Variants in AGAP3 observed in about 807,000 individuals in gnomAD.
AGAP3 encodes ArfGAP with GTPase domain, ankyrin repeat and PH domain 3.
In AGAP3, 24 loss-of-function variants were observed where a neutral mutation model predicts 96.9. That is an observed-to-expected ratio of 0.25 (90% CI 0.18 to 0.35). The LOEUF is 0.35. Ranked by LOEUF, AGAP3 falls within the 10% of genes least tolerant of loss-of-function variation. AGAP3 has a pLI of 1.00. For synonymous variants in AGAP3, 563 were observed against 536.1 expected (o/e 1.05, Z -0.69); for missense variants, 876 against 1,254.2 (o/e 0.70, Z 4.55).
intron 8 of AGAP3, among the ~76,000 whole-genome samples, chr7:151,121,592 G>C (rs779697380): frequency 1.3e-5 from 2 of 151,862 alleles, no homozygotes; most frequent in Non-Finnish European, 2.9e-5. Context: ...CCAGTCCCCG[G>C]CCTCCTCCCT....
intron 8 of AGAP3, chr7:151,123,490 G>A (rs1800016144): frequency 3.3e-6 from 4 of 1,194,628 alleles, no homozygotes; most frequent in Non-Finnish European, 4.2e-6. Context: ...CCACCTCCTC[G>A]CCCCCGCTTC....
At chr7:151,104,095 C>T (rs186171724) in intron 1 of AGAP3, among the ~76,000 whole-genome samples, 1 of 152,264 alleles carries the variant, frequency 6.6e-6, no homozygotes, top group African/African-American at 2.4e-5. Context: ...TCATTCCACA[C>T]GCTCGAAATA....
At position 151,118,694 on chromosome 7, in the gene AGAP3, T is replaced by A; in HGVS notation, c.969+62T>A. On this transcript the variant is annotated intron_variant, in intron 7 of 17. Coordinates refer to ENST00000397238, the MANE Select transcript of AGAP3 (RefSeq NM_031946.7). This position sits in a 1 kb window ranked among gnomAD's most constrained non-coding sequence, Gnocchi z 6.1. ...ACCATGTCTGTCTTGCCTCTGTGCG[T>A]CCTGCCACTTCTGCTGGCCTCCTGC... 1 of 1,579,034 alleles carries A rather than the reference T, an allele frequency of 6.3e-7. No individual in the cohort carries two copies. Among genetic ancestry groups the A allele is most frequent in the African/African-American group, 1.3e-5 (1 of 74,634 alleles).
At chr7:151,094,870 C>T (rs1158565777) in intron 1 of AGAP3, among the ~76,000 whole-genome samples, 1 of 150,304 alleles carries the variant, frequency 6.7e-6, no homozygotes, top group Non-Finnish European at 1.5e-5. Flanking sequence ...TTCCTCCCTT[C>T]CTCCCTTCCT....
At chr7:151,117,223 C>G in intron 3 of AGAP3, 41 bp downstream of exon 3, 1 of 1,600,176 alleles carries the variant, frequency 6.2e-7, no homozygotes, top group South Asian at 1.1e-5. Context: ...AGGCCGGCCA[C>G]TCCTCCAGCT....
chr7:151,110,309 C>G (rs1799228939), intron 1 of AGAP3, among the ~76,000 whole-genome samples: 1 of 152,194 alleles, frequency 6.6e-6, no homozygotes, highest in Admixed American at 6.5e-5. Context: ...CACTTGCTGA[C>G]AGTGGCAAGT....
In AGAP3 at chr7:151,144,086, C is replaced by A; in HGVS notation, c.*143C>A. On this transcript the variant is annotated 3_prime_UTR_variant, in exon 18 of 18. Coordinates refer to ENST00000397238, the MANE Select transcript of AGAP3 (RefSeq NM_031946.7). ...AGCCAAGGAAATTAGGGAGGAGAGT[C>A]AAAGGGATCAAGGAGAGTTGGGGAT... is the stretch of plus-strand genomic sequence containing the variant. 1.2e-6 allele frequency: 1 copy of A among 861,068 alleles called. No homozygotes were observed. The highest frequency in any genetic ancestry group is 1.8e-6 in the Non-Finnish European group (1 of 566,486). 53.3% of individuals were successfully genotyped at this position (861,068 alleles called of 1,614,324 possible).
chr7:151,086,276 G>A (rs1439291665), upstream of AGAP3, among the ~76,000 whole-genome samples: 2 of 151,196 alleles, frequency 1.3e-5, no homozygotes, highest in African/African-American at 4.9e-5. Context: ...CGGGGCGCCA[G>A]GGCTGGAGCG....
At chr7:151,125,892 C>T (rs1404405696) in intron 9 of AGAP3, among the ~76,000 whole-genome samples, 1 of 152,238 alleles carries the variant, frequency 6.6e-6, no homozygotes. Flanking sequence ...GCCTCCGCGC[C>T]TCTGCGCCGT....
intron 1 of AGAP3, among the ~76,000 whole-genome samples, chr7:151,099,372 GC>G (rs1238955179): frequency 6.6e-6 from 1 of 151,370 alleles, no homozygotes; most frequent in African/African-American, 2.4e-5. Flanking sequence ...AGAATAATGT[GC>G]CCTTCTCAGT....
At chr7:151,116,951 T>C in intron 2 of AGAP3, 100 bp downstream of exon 2, 1 of 1,543,294 alleles carries the variant, frequency 6.5e-7, no homozygotes, top group Admixed American at 1.7e-5. Context: ...TGTCCCCTTC[T>C]CTGCTCAGCT....
At chr7:151,098,736 T>TC (rs1433821940) in intron 1 of AGAP3, among the ~76,000 whole-genome samples, 2 of 145,112 alleles carry the variant, frequency 1.4e-5, no homozygotes, top group East Asian at 2.0e-4. Context: ...TTCTTTTCTT[T>TC]TTTTTTTTTT....
chr7:151,087,184 G>C (rs1216068999), intron 1 of AGAP3, 112 bp downstream of exon 1: 1 of 1,167,230 alleles, frequency 8.6e-7, no homozygotes. Context: ...GTCCTTGCGC[G>C]CTTGAGGACC....
chr7:151,137,886 A>G, intron 11 of AGAP3: 1 of 506,616 alleles, frequency 2.0e-6, no homozygotes, highest in Non-Finnish European at 3.5e-6. Flanking sequence ...TGATGCAGAG[A>G]CCCCCCGCCC....
At chr7:151,092,748 G>A (rs1798448952) in intron 1 of AGAP3, among the ~76,000 whole-genome samples, 1 of 152,074 alleles carries the variant, frequency 6.6e-6, no homozygotes, top group Non-Finnish European at 1.5e-5. Flanking sequence ...CGCAGTGAGG[G>A]GAGGAAGCAG....
At chr7:151,122,004 A>T (rs1272698965) in intron 8 of AGAP3, among the ~76,000 whole-genome samples, 1 of 152,004 alleles carries the variant, frequency 6.6e-6, no homozygotes, top group Non-Finnish European at 1.5e-5. Context: ...TCATGTGCTC[A>T]TTTCGTTGCT....
rs1158194712 is a variant in AGAP3, at chr7:151,086,691, GCCT to G, written c.-48_-46del. The stretch of plus-strand genomic sequence containing the variant: ...CGCTGCCGCCGCCGCCGCCGCCGCC[GCCT>G]CCGCCGCGCCGCCCCGGGCCCGCCT... On this transcript the variant is annotated 5_prime_UTR_variant, in exon 1 of 18. Coordinates refer to ENST00000397238, the MANE Select transcript of AGAP3 (RefSeq NM_031946.7). The G allele has an allele frequency of 1.9e-4, 39 of 203,346 alleles. No homozygotes were observed. In the East Asian group the frequency reaches 2.8e-3, roughly 14 times the overall value. The allele number at this position is 203,346 out of a possible 1,614,324, so 12.6% of individuals were successfully genotyped here. A position where few individuals can be genotyped will look rare whatever the true frequency, so the allele number is the denominator to read the frequency against.
At chr7:151,112,632 T>C (rs914620145) in intron 1 of AGAP3, among the ~76,000 whole-genome samples, 8 of 152,104 alleles carry the variant, frequency 5.3e-5, no homozygotes, top group Non-Finnish European at 1.0e-4. Flanking sequence ...AGGGTCTCAC[T>C]CTGTGGCCCA....
At chr7:151,104,115 G>A (rs894429692) in intron 1 of AGAP3, among the ~76,000 whole-genome samples, 3 of 152,102 alleles carry the variant, frequency 2.0e-5, no homozygotes, top group Non-Finnish European at 4.4e-5. Flanking sequence ...AAACTGCCCC[G>A]CACAACTGTT....
Sources: allele counts gnomAD v4.1 joint callset (sites outside exome capture counted in the v4.1 genomes callset), GRCh38; gene constraint gnomAD v4.1.1; non-coding constraint Gnocchi (gnomAD v3.1); transcripts MANE v1.5; gene names NCBI Gene and HGNC (gene_info 2026-07-23, HGNC 2026-07-21).